CLMP: variants seen among roughly 807,000 people sequenced by gnomAD.
CLMP encodes CXADR-like membrane protein.
CLMP carries 27 observed loss-of-function variants against 45.2 expected under a neutral mutation model. The observed-to-expected ratio is 0.60, with a 90% CI of 0.44 to 0.82. CLMP has a LOEUF of 0.82. CLMP is among the 40% of genes least tolerant of loss of function. CLMP has a pLI of 0.00. For synonymous variants in CLMP, 167 were observed against 171.4 expected, an observed-to-expected ratio of 0.97 and a Z score of 0.20; for missense variants, 403 against 448.4, an observed-to-expected ratio of 0.90 and a Z score of 0.91.
rs552730084 is a variant in CLMP, at chr11:123,120,027, A to G, written c.29-22075T>C. On this transcript the variant is annotated intron_variant, in intron 1 of 6. Coordinates refer to ENST00000448775, the MANE Select transcript of CLMP (RefSeq NM_024769.5). ...ATTCCTGGAGTTGTAAAATTTTACT[A>G]TGATGGGTTTTGGTATAAGACTTTT... Among the ~76,000 whole-genome samples the G allele has an allele frequency of 2.0e-3, 298 of 152,244 alleles. 1 individual carries two copies. Among genetic ancestry groups the G allele is most frequent in the African/African-American group, 6.8e-3 (284 of 41,546 alleles).
At chr11:123,193,789 T>G (rs761294766) in intron 1 of CLMP, among the ~76,000 whole-genome samples, 19 of 152,186 alleles carry the variant, frequency 1.2e-4, no homozygotes, top group Admixed American at 6.5e-4. Flanking sequence ...CCATCTAGTA[T>G]TCTCTTTCCA....
intron 1 of CLMP, among the ~76,000 whole-genome samples, chr11:123,144,114 G>A (rs757785309): frequency 3.3e-5 from 5 of 151,944 alleles, no homozygotes; most frequent in African/African-American, 4.8e-5. Context: ...GCACCTGACA[G>A]CCTTGTGAGA....
chr11:123,135,757 C>T (rs947042858), intron 1 of CLMP, among the ~76,000 whole-genome samples: 1 of 152,120 alleles, frequency 6.6e-6, no homozygotes, highest in Non-Finnish European at 1.5e-5. Context: ...TACTAGTTTG[C>T]CTAGCCTCGG....
chr11:123,073,571 C>T lies in CLMP; in HGVS notation c.1025G>A (p.Gly342Asp). 6.2e-7 allele frequency: 1 copy of T among 1,614,236 alleles called. No homozygotes were observed. The highest frequency in any genetic ancestry group is 8.5e-7 in the Non-Finnish European group (1 of 1,180,046). Reference sequence around the variant, plus strand: ...ATGGTGGACTTTCTTTGGTTCAGAACCTCTCACCTCTGGCCCCACTAGGCT... The same window carrying T: ...ATGGTGGACTTTCTTTGGTTCAGAATCTCTCACCTCTGGCCCCACTAGGCT... ...AYSLVGPEVR[G>D]SEPKKVHHAN... Residue 342 changes from glycine (G) to aspartate (D), a missense_variant, in exon 7 of 7, where the codon GGT (glycine) becomes GAT (aspartate). Coordinates refer to ENST00000448775, the MANE Select transcript of CLMP (RefSeq NM_024769.5).
chr11:123,118,931 TTCTTTC>T (rs1860755278), intron 1 of CLMP, among the ~76,000 whole-genome samples: 1 of 17,038 alleles, frequency 5.9e-5, no homozygotes, highest in East Asian at 2.0e-3. Flanking sequence ...TTCTTTTCTT[TTCTTTC>T]TTTCTTTCTT....
chr11:123,154,349 C>G (rs776934127), intron 1 of CLMP, among the ~76,000 whole-genome samples: 18 of 152,120 alleles, frequency 1.2e-4, no homozygotes, highest in Non-Finnish European at 2.2e-4. Flanking sequence ...AGCTGTAGAA[C>G]CTATAGGCAC....
intron 1 of CLMP, among the ~76,000 whole-genome samples, chr11:123,118,718 G>A (rs139963804): frequency 5.6e-4 from 85 of 152,168 alleles, no homozygotes; most frequent in East Asian, 4.5e-3. Context: ...AAAATGTCGC[G>A]TCTCAGCAAG....
At chr11:123,097,083 C>G (rs1025026781) in intron 2 of CLMP, among the ~76,000 whole-genome samples, 1 of 152,096 alleles carries the variant, frequency 6.6e-6, no homozygotes, top group African/African-American at 2.4e-5. Flanking sequence ...AACTCCTGGG[C>G]TCAAGCAGTT....
At chr11:123,085,920 A>G (rs1485801092) in intron 2 of CLMP, among the ~76,000 whole-genome samples, 1 of 151,672 alleles carries the variant, frequency 6.6e-6, no homozygotes, top group African/African-American at 2.4e-5. Context: ...GGGATTACAG[A>G]TGCATGCCAC....
intron 1 of CLMP, among the ~76,000 whole-genome samples, chr11:123,120,349 C>T (rs781001078): frequency 1.3e-5 from 2 of 151,944 alleles, no homozygotes; most frequent in African/African-American, 2.4e-5. Flanking sequence ...TGTTGGACCT[C>T]CTGGATTGAT....
intron 1 of CLMP, among the ~76,000 whole-genome samples, chr11:123,139,278 T>C (rs1242747682): frequency 6.6e-6 from 1 of 151,876 alleles, no homozygotes; most frequent in Non-Finnish European, 1.5e-5. Flanking sequence ...TTGAAAACTA[T>C]TCTGTAGCTC....
intron 5 of CLMP, among the ~76,000 whole-genome samples, chr11:123,081,645 T>A (rs992205394): frequency 2.0e-5 from 3 of 151,652 alleles, no homozygotes; most frequent in Non-Finnish European, 4.4e-5. Flanking sequence ...TGAAGAAGGG[T>A]GGATCGCCTA....
chr11:123,142,015 C>T (rs1861168717), intron 1 of CLMP, among the ~76,000 whole-genome samples: 2 of 138,524 alleles, frequency 1.4e-5, no homozygotes, highest in Non-Finnish European at 3.1e-5. Context: ...GACAGGGTCT[C>T]ACTTTGTCCC....
intron 1 of CLMP, chr11:123,135,913 C>G: frequency 1.9e-6 from 1 of 538,136 alleles, no homozygotes. Context: ...GGAGAACATT[C>G]ACGTCCTTAA....
At chr11:123,169,950 G>A (rs1272969226) in intron 1 of CLMP, among the ~76,000 whole-genome samples, 1 of 152,236 alleles carries the variant, frequency 6.6e-6, no homozygotes, top group South Asian at 2.1e-4. Context: ...TGAGTTAAGG[G>A]GTTGTAAAGA....
At chr11:123,094,349 C>G (rs1324399345) in intron 2 of CLMP, among the ~76,000 whole-genome samples, 1 of 152,072 alleles carries the variant, frequency 6.6e-6, no homozygotes, top group Non-Finnish European at 1.5e-5. Context: ...TCAAGTGGAC[C>G]TCCTGCCTGG....
intron 5 of CLMP, among the ~76,000 whole-genome samples, chr11:123,082,321 T>G (rs1289549557): frequency 6.6e-6 from 1 of 152,232 alleles, no homozygotes; most frequent in Non-Finnish European, 1.5e-5. Context: ...GTGTTTTTGT[T>G]TTTTTTGGTT....
intron 1 of CLMP, chr11:123,188,709 G>T (rs959530714): frequency 4.6e-5 from 7 of 152,172 alleles, no homozygotes; most frequent in African/African-American, 1.7e-4. Context: ...TCCACACACA[G>T]TGACCCAACC....
intron 1 of CLMP, among the ~76,000 whole-genome samples, chr11:123,133,359 G>A (rs1049046478): frequency 6.6e-6 from 1 of 152,094 alleles, no homozygotes; most frequent in Non-Finnish European, 1.5e-5. Context: ...TACTGAGAGA[G>A]TTTAGTGGAA....
Sources: allele counts gnomAD v4.1 joint callset (sites outside exome capture counted in the v4.1 genomes callset), GRCh38; gene constraint gnomAD v4.1.1; transcripts MANE v1.5; gene names NCBI Gene and HGNC (gene_info 2026-07-23, HGNC 2026-07-21).